Variants in JMJD6 observed in about 807,000 individuals in gnomAD.
JMJD6 encodes bifunctional arginine demethylase and lysyl-hydroxylase JMJD6.
JMJD6 carries 17 observed loss-of-function variants against 45.8 expected under a neutral mutation model. The observed-to-expected ratio is 0.37, with a 90% CI of 0.25 to 0.56. The LOEUF (loss-of-function observed/expected upper bound fraction) is 0.56, where lower values mean the gene tolerates loss of function less well. Among genes scored for constraint, JMJD6 ranks in the 20% least tolerant of loss-of-function variants. JMJD6 has a pLI of 0.79. For synonymous variants in JMJD6, 221 were observed against 196.3 expected (o/e 1.13, Z -1.05); for missense variants, 470 against 517.5 (o/e 0.91, Z 0.89).
Position 76,726,353 on chromosome 17 carries a change from G to C in JMJD6, c.123C>G (p.Ala41=), listed in dbSNP as rs747928309. The change falls in exon 1 of 6, where the codon GCC becomes GCG. Residue 41 remains alanine (A), a synonymous_variant. Transcript: ENST00000397625. Reference sequence around the variant, plus strand: ...CCCCGCCCGACCCGCTCACCGCCACGGCCGCCGGGCTCAGCGAGAAGCTCT... The same window carrying C: ...CCCCGCCCGACCCGCTCACCGCCACCGCCGCCGGGCTCAGCGAGAAGCTCT... The part of the protein sequence containing the change: ...YYESFSLSPA[A]VADNVERADA... 2 of 1,582,684 alleles carry C rather than the reference G, an allele frequency of 1.3e-6. No individual in the cohort carries two copies. The highest frequency in any genetic ancestry group is 2.4e-5 in the East Asian group (1 of 41,162).
intron 5 of JMJD6, among the ~76,000 whole-genome samples, chr17:76,719,500 G>A (rs192737133): frequency 3.2e-4 from 49 of 152,234 alleles, no homozygotes; most frequent in Middle Eastern, 3.4e-3. Flanking sequence ...TGTTGGCCAG[G>A]CTGGTCTTGA....
downstream of JMJD6, chr17:76,714,654 C>G (rs2076751972): frequency 6.6e-6 from 1 of 152,224 alleles, no homozygotes; most frequent in Non-Finnish European, 1.5e-5. Flanking sequence ...CAAAGCATGT[C>G]CCAGGAGCAC....
chr17:76,717,714 G>A (rs1365515356), downstream of JMJD6, among the ~76,000 whole-genome samples: 1 of 151,984 alleles, frequency 6.6e-6, no homozygotes, highest in African/African-American at 2.4e-5. Flanking sequence ...TAGCTGGCCG[G>A]GCATGGTGGC....
chr17:76,714,409 A>G (rs1238117894), downstream of JMJD6: 1 of 152,230 alleles, frequency 6.6e-6, no homozygotes, highest in Admixed American at 6.5e-5. Context: ...GCACCATTCA[A>G]TGGAGTAGCT....
At chr17:76,724,704 C>T (rs561301806) in intron 2 of JMJD6, among the ~76,000 whole-genome samples, 1 of 151,888 alleles carries the variant, frequency 6.6e-6, no homozygotes, top group East Asian at 2.0e-4. Flanking sequence ...GTAATCCCAG[C>T]TACTCAGGAG....
In JMJD6 at chr17:76,724,068, G is replaced by A. The variant is rs1358484117; in HGVS notation, c.519-10C>T. 3 of 1,611,528 alleles carry A rather than the reference G, an allele frequency of 1.9e-6. No homozygotes were observed. The African/African-American group carries it at 4.0e-5, about 22-fold the overall frequency. ...CCCCATCACAAACCACCTACAGAATGGAGATATCCAAGATGTGAAGTGTAA... is the reference window on the plus strand; with the variant it reads ...CCCCATCACAAACCACCTACAGAATAGAGATATCCAAGATGTGAAGTGTAA... On this transcript the variant is annotated splice_polypyrimidine_tract_variant and intron_variant, in intron 2 of 5. Transcript: ENST00000397625.
At chr17:76,716,920 C>T (rs935915799), downstream of JMJD6, among the ~76,000 whole-genome samples, 4 of 152,114 alleles carry the variant, frequency 2.6e-5, no homozygotes, top group African/African-American at 9.7e-5. Flanking sequence ...ATAATAGAAA[C>T]AATTTAAAAA....
At chr17:76,715,845 G>A (rs145893766), downstream of JMJD6, 1 of 152,326 alleles carries the variant, frequency 6.6e-6, no homozygotes, top group Non-Finnish European at 1.5e-5. Context: ...AAGACTACAG[G>A]TGCCATCTCT....
chr17:76,725,978 TC>T (rs1043641366), intron 1 of JMJD6, 123 bp from the exon 2 acceptor site: 24 of 1,267,358 alleles, frequency 1.9e-5, no homozygotes, highest in African/African-American at 1.8e-4. Flanking sequence ...GTCTGGCTCC[TC>T]CGGGGTGGGG....
Position 76,725,759 on chromosome 17 carries a change from G to A in JMJD6, c.226C>T (p.Gln76Ter), listed in dbSNP as rs1215115744. Residue 76 changes from glutamine (Q) to a stop codon, truncating the protein, a stop_gained, in exon 2 of 6, where the codon CAA becomes TAA. Coordinates refer to ENST00000397625, the MANE Select transcript of JMJD6 (RefSeq NM_015167.3). LOFTEE classifies it high-confidence loss of function. Reference sequence around the variant, plus strand: ...TTCTCCTGCGCAGACCAGCCCTCTTGCGCATTCAACAAAACCACGGGCTTG... The same window carrying A: ...TTCTCCTGCGCAGACCAGCCCTCTTACGCATTCAACAAAACCACGGGCTTG... ...PYKPVVLLNA[Q>*]EGWSAQEKWT... 1 of 1,613,916 alleles carries A rather than the reference G, an allele frequency of 6.2e-7. No homozygotes were observed. Among genetic ancestry groups the A allele is most frequent in the Non-Finnish European group, 8.5e-7 (1 of 1,180,032 alleles).
chr17:76,724,156 T>C, intron 2 of JMJD6, 98 bp from the exon 3 acceptor site: 1 of 1,333,346 alleles, frequency 7.5e-7, no homozygotes, highest in Non-Finnish European at 1.0e-6. Flanking sequence ...AGTCTTGCTC[T>C]ATCACCCAGG....
downstream of JMJD6, among the ~76,000 whole-genome samples, chr17:76,717,373 C>T (rs1224542721): frequency 1.3e-5 from 2 of 152,116 alleles, no homozygotes; most frequent in Admixed American, 1.3e-4. Flanking sequence ...TACTATCTTC[C>T]AACAACCTCT....
In JMJD6 at chr17:76,726,482, G is replaced by A. The variant is rs200707910; in HGVS notation, c.-7C>T. ...TCTTGCTCTTGTGGTTCATTCTGCG[G>A]GGTCGCCAGCTGGTTCCGCTACGAC... On this transcript the variant is annotated 5_prime_UTR_variant, in exon 1 of 6. Coordinates refer to ENST00000397625, the MANE Select transcript of JMJD6 (RefSeq NM_015167.3). 3,439 of 1,589,820 alleles carry A rather than the reference G, an allele frequency of 2.2e-3. 7 individuals carry two copies. The highest frequency in any genetic ancestry group is 3.0e-3 in the Middle Eastern group (18 of 5,986).
intron 2 of JMJD6, among the ~76,000 whole-genome samples, 197 bp downstream of exon 2, chr17:76,725,270 T>G (rs566209752): frequency 3.2e-4 from 49 of 151,582 alleles, no homozygotes; most frequent in Non-Finnish European, 6.8e-4. Flanking sequence ...TAGCTGGGTG[T>G]GGTGGCGCAT....
At chr17:76,726,230 T>C in intron 1 of JMJD6, 117 bp downstream of exon 1, 1 of 1,335,664 alleles carries the variant, frequency 7.5e-7, no homozygotes, top group Non-Finnish European at 9.8e-7. Context: ...GGGGTGCGGG[T>C]GAGCCTCTAC....
chr17:76,725,129 C>T (rs923975067), intron 2 of JMJD6, among the ~76,000 whole-genome samples: 1 of 152,136 alleles, frequency 6.6e-6, no homozygotes, highest in Non-Finnish European at 1.5e-5. Flanking sequence ...TAACCACAGG[C>T]CGGGCGCGGT....
At position 76,723,935 on chromosome 17, in the gene JMJD6, G is replaced by A; in HGVS notation, c.642C>T (p.Pro214=). Residue 214 remains proline, a synonymous_variant, in exon 3 of 6, where the codon CCC becomes CCT. Transcript: ENST00000397625. ...CTCGGGTCACTTTGATGAGTTCCCT[G>A]GGAGTGCTGGTAGGAAACAGGCACC... is the stretch of plus-strand genomic sequence containing the variant. ...KRWCLFPTST[P]RELIKVTRDE... 6.2e-7 allele frequency: 1 copy of A among 1,614,092 alleles called. No individual in the cohort carries two copies. The highest frequency in any genetic ancestry group is 2.2e-5 in the East Asian group (1 of 44,886).
intron 2 of JMJD6, among the ~76,000 whole-genome samples, 189 bp from the exon 3 acceptor site, chr17:76,724,247 G>C (rs557601380): frequency 1.2e-4 from 19 of 152,036 alleles, no homozygotes; most frequent in Middle Eastern, 6.8e-3. Flanking sequence ...TTAGCCTCCT[G>C]AGTAGCTGGG....
chr17:76,724,095 T>A (rs2076864575), intron 2 of JMJD6, 37 bp from the exon 3 acceptor site: 1 of 1,602,618 alleles, frequency 6.2e-7, no homozygotes, highest in African/African-American at 1.3e-5. Flanking sequence ...GAAGTGTAAT[T>A]TACTTACACA....
Sources: allele counts gnomAD v4.1 joint callset (sites outside exome capture counted in the v4.1 genomes callset), GRCh38; gene constraint gnomAD v4.1.1; transcripts MANE v1.5; gene names NCBI Gene and HGNC (gene_info 2026-07-23, HGNC 2026-07-21).